Variants in PARD3 observed in about 807,000 individuals in gnomAD.
PARD3 encodes the protein partitioning defective 3 homolog.
Under a neutral mutation model 155.4 loss-of-function variants are expected in PARD3, and 75 were observed. The ratio of observed to expected loss-of-function variants is 0.48; its 90% confidence interval spans 0.40 to 0.58. The LOEUF (loss-of-function observed/expected upper bound fraction) is 0.58, where lower values mean the gene tolerates loss of function less well. PARD3 is among the 20% of genes least tolerant of loss of function. The pLI is 0.00. For missense variants in PARD3, 1,642 were observed against 1,721.7 expected (o/e 0.95, Z 0.82); for synonymous variants, 576 against 610.5 (o/e 0.94, Z 0.83).
chr10:34,433,757 T>C (rs11009785), intron 5 of PARD3, among the ~76,000 whole-genome samples: 8,994 of 152,190 alleles, frequency 0.059, 900 homozygotes, highest in African/African-American at 0.2. Flanking sequence ...GCTGTAAAAA[T>C]GTTTTAAGAG....
intron 20 of PARD3, among the ~76,000 whole-genome samples, chr10:34,296,529 C>T (rs534477704): frequency 1.3e-5 from 2 of 152,270 alleles, no homozygotes; most frequent in East Asian, 3.9e-4. Flanking sequence ...ACCTGACCAA[C>T]TCATTATTTA....
chr10:34,503,529 T>C (rs1172784717), intron 3 of PARD3, among the ~76,000 whole-genome samples: 1 of 152,256 alleles, frequency 6.6e-6, no homozygotes, highest in Non-Finnish European at 1.5e-5. Flanking sequence ...TGCCTACGTA[T>C]ATATGTATTT....
chr10:34,560,328 T>C (rs2134050709), intron 2 of PARD3, among the ~76,000 whole-genome samples: 1 of 152,282 alleles, frequency 6.6e-6, no homozygotes, highest in African/African-American at 2.4e-5. Context: ...AAACAGCTGT[T>C]CAGAACACCG....
chr10:34,153,249 T>G (rs530588988), intron 22 of PARD3, among the ~76,000 whole-genome samples: 1 of 152,232 alleles, frequency 6.6e-6, no homozygotes, highest in Admixed American at 6.5e-5. Flanking sequence ...AGGCCGCAAG[T>G]GATCCTCCCA....
chr10:34,656,842 C>G (rs921166309), intron 2 of PARD3, among the ~76,000 whole-genome samples: 1 of 152,174 alleles, frequency 6.6e-6, no homozygotes, highest in Non-Finnish European at 1.5e-5. Context: ...GTATTAAGGC[C>G]TTGTTAGCGC....
At chr10:34,646,178 T>C (rs1564456184) in intron 2 of PARD3, among the ~76,000 whole-genome samples, 1 of 152,238 alleles carries the variant, frequency 6.6e-6, no homozygotes, top group Non-Finnish European at 1.5e-5. Context: ...CAATAACTCC[T>C]CATTTTTGTT....
At chr10:34,145,503 T>C (rs1435248132) in intron 22 of PARD3, among the ~76,000 whole-genome samples, 5 of 151,832 alleles carry the variant, frequency 3.3e-5, no homozygotes. Context: ...CTTTGTCCTA[T>C]AGCTCATGTT....
intron 22 of PARD3, among the ~76,000 whole-genome samples, chr10:34,177,433 C>T (rs1465930393): frequency 6.6e-6 from 1 of 152,012 alleles, no homozygotes; most frequent in Non-Finnish European, 1.5e-5. Context: ...AGACAAATAC[C>T]CCCCAAATCA....
chr10:34,120,004 ATTTTTTTTTTTTTT>A (rs1185067110), intron 23 of PARD3, among the ~76,000 whole-genome samples: 135 of 73,826 alleles, frequency 1.8e-3, no homozygotes, highest in African/African-American at 4.6e-3. Context: ...GTCTTCTTTA[ATTTTTTTTTTTTTT>A]TTTTTTTTTT....
At chr10:34,617,032 T>C (rs576311430) in intron 2 of PARD3, among the ~76,000 whole-genome samples, 2 of 151,116 alleles carry the variant, frequency 1.3e-5, no homozygotes, top group Non-Finnish European at 1.5e-5. Flanking sequence ...AAGGCGGGGA[T>C]CTCTTGAGGT....
At chr10:34,579,184 C>A (rs1022571532) in intron 2 of PARD3, among the ~76,000 whole-genome samples, 2 of 151,810 alleles carry the variant, frequency 1.3e-5, no homozygotes, top group African/African-American at 4.8e-5. Flanking sequence ...GCAGGAGAAT[C>A]GCTTTAACCC....
At chr10:34,688,732 T>A (rs1459237533) in intron 2 of PARD3, among the ~76,000 whole-genome samples, 1 of 152,142 alleles carries the variant, frequency 6.6e-6, no homozygotes, top group African/African-American at 2.4e-5. Context: ...ACAGAAAACT[T>A]CCTCAGTGCT....
chr10:34,789,902 T>C (rs980710950), intron 1 of PARD3, among the ~76,000 whole-genome samples: 5 of 152,200 alleles, frequency 3.3e-5, no homozygotes, highest in African/African-American at 1.2e-4. Context: ...TATAAACAAT[T>C]AAAGCTTAAC....
At chr10:34,125,825 GA>G (rs1282170138) in intron 23 of PARD3, among the ~76,000 whole-genome samples, 1 of 152,234 alleles carries the variant, frequency 6.6e-6, no homozygotes, top group African/African-American at 2.4e-5. Context: ...ACCTGGGATG[GA>G]AAGGATTTAG....
intron 5 of PARD3, among the ~76,000 whole-genome samples, chr10:34,435,197 A>T (rs1295209022): frequency 2.6e-5 from 4 of 152,350 alleles, no homozygotes; most frequent in Admixed American, 6.5e-5. Context: ...ATAACAGGAA[A>T]AAAAAAGGAA....
chr10:34,526,570 A>C (rs1293310347), intron 2 of PARD3, among the ~76,000 whole-genome samples: 3 of 152,162 alleles, frequency 2.0e-5, no homozygotes, highest in Non-Finnish European at 4.4e-5. Flanking sequence ...CAGAGCTGAG[A>C]TCTTTAGTTA....
At chr10:34,491,137 T>C (rs1465830599) in intron 3 of PARD3, among the ~76,000 whole-genome samples, 1 of 152,196 alleles carries the variant, frequency 6.6e-6, no homozygotes, top group Non-Finnish European at 1.5e-5. Flanking sequence ...GCTATTTAGA[T>C]TCAGCTCCTC....
At chr10:34,188,754 T>C (rs1465791977) in intron 22 of PARD3, among the ~76,000 whole-genome samples, 1 of 152,160 alleles carries the variant, frequency 6.6e-6, no homozygotes, top group Non-Finnish European at 1.5e-5. Context: ...ATCGCTTTTT[T>C]TTTTTCCAGC....
intron 14 of PARD3, among the ~76,000 whole-genome samples, chr10:34,358,066 T>A (rs1175591148): frequency 6.6e-6 from 1 of 152,184 alleles, no homozygotes; most frequent in African/African-American, 2.4e-5. Flanking sequence ...CTTAGTTGAT[T>A]TGATCTTAAA....
Sources: gnomAD v4.1 joint callset for allele counts (sites outside exome capture counted in the v4.1 genomes callset) on GRCh38, gnomAD v4.1.1 for gene constraint, MANE v1.5 for transcripts, NCBI Gene and HGNC (gene_info 2026-07-23, HGNC 2026-07-21) for gene names.